MAP3K13: variants seen among roughly 807,000 people sequenced by gnomAD.
MAP3K13 encodes the protein mitogen-activated protein kinase kinase kinase 13, also known as leucine zipper-bearing kinase.
MAP3K13 carries 52 observed loss-of-function variants against 104.0 expected under a neutral mutation model. That is an observed-to-expected ratio of 0.50 (90% CI 0.40 to 0.63). The LOEUF is 0.63. MAP3K13 is among the 20% of genes least tolerant of loss of function. The pLI is 0.00. For missense variants in MAP3K13, 914 were observed against 1,218.5 expected (o/e 0.75, Z 3.72); for synonymous variants, 394 against 442.2 (o/e 0.89, Z 1.37).
chr3:185,455,927 T>A (rs1451608642), intron 7 of MAP3K13, among the ~76,000 whole-genome samples: 2 of 136,982 alleles, frequency 1.5e-5, no homozygotes, highest in Non-Finnish European at 3.1e-5. Context: ...ATATATATGA[T>A]GTATATATGA....
At chr3:185,324,979 A>G (rs1037893827) in intron 2 of MAP3K13, among the ~76,000 whole-genome samples, 2 of 152,258 alleles carry the variant, frequency 1.3e-5, no homozygotes, top group Non-Finnish European at 2.9e-5. Context: ...TAGCTGATCA[A>G]ACATGTGCAC....
intron 7 of MAP3K13, among the ~76,000 whole-genome samples, chr3:185,454,789 GATATATATGAGATATATACATGAT>G (rs1401287224): frequency 1.8e-3 from 98 of 55,944 alleles, no homozygotes; most frequent in East Asian, 5.6e-3. Flanking sequence ...ATATATACAT[GATATATATGAGATATATACATGAT>G]ATATATATGA....
At chr3:185,305,594 A>G (rs1474081486) in intron 2 of MAP3K13, among the ~76,000 whole-genome samples, 1 of 152,080 alleles carries the variant, frequency 6.6e-6, no homozygotes, top group Non-Finnish European at 1.5e-5. Flanking sequence ...AGAGAGCTTT[A>G]CGTGTTTATA....
chr3:185,418,086 A>G lies in MAP3K13; in HGVS notation c.-85-10411A>G. On this transcript the variant is annotated intron_variant, in intron 1 of 13. Coordinates refer to ENST00000265026, the MANE Select transcript of MAP3K13 (RefSeq NM_004721.5). The surrounding 1 kb of genome is among the most constrained non-coding windows in gnomAD (Gnocchi z 4.5). ...GCTTCAAAATGTTCAGCTTGCTTAC[A>G]TTAAGCAGAGTAATTCCAGGGATGT... 3.1e-6 allele frequency: 5 copies of G among 1,611,804 alleles called. No homozygotes were observed. Among genetic ancestry groups the G allele is most frequent in the South Asian group, 1.1e-5 (1 of 90,992 alleles).
At chr3:185,377,188 G>C (rs1724470068) in intron 1 of MAP3K13, among the ~76,000 whole-genome samples, 1 of 152,154 alleles carries the variant, frequency 6.6e-6, no homozygotes, top group Admixed American at 6.5e-5. Context: ...AGGTAAAATG[G>C]GGGAACTGTA....
Position 185,455,666 on chromosome 3 carries a change from A to G in MAP3K13, c.1278+4271A>G, listed in dbSNP as rs62650469. ...TATGAGATATATATATGATATATATATGATATATATATGAGATATATATAT... is the reference window on the plus strand; with the variant it reads ...TATGAGATATATATATGATATATATGTGATATATATATGAGATATATATAT... On this transcript the variant is annotated intron_variant, in intron 7 of 13. Transcript: ENST00000265026. 6.5e-3 allele frequency among the ~76,000 whole-genome samples: 128 copies of G among 19,830 alleles called. 3 individuals are homozygous for G. The highest frequency in any genetic ancestry group is 0.012 in the South Asian group (6 of 516). The allele number at this position is 19,830 out of a possible 152,430, so 13.0% of individuals were successfully genotyped here. A position where few individuals can be genotyped will look rare whatever the true frequency, so the allele number is the denominator to read the frequency against.
intron 12 of MAP3K13, among the ~76,000 whole-genome samples, chr3:185,479,690 A>G (rs558062155): frequency 2.0e-5 from 3 of 152,348 alleles, no homozygotes; most frequent in East Asian, 3.9e-4. Context: ...TTGGGCTGCC[A>G]TAACAAAATA....
intron 2 of MAP3K13, among the ~76,000 whole-genome samples, chr3:185,432,679 C>T (rs530182460): frequency 6.4e-4 from 98 of 152,074 alleles, no homozygotes; most frequent in South Asian, 5.0e-3. Context: ...GAATGAGGGG[C>T]GATTCACCCA....
Position 185,473,790 on chromosome 3 carries a change from G to A in MAP3K13, c.2430+29G>A, listed in dbSNP as rs145178506. On this transcript the variant is annotated intron_variant, in intron 11 of 13. Coordinates refer to ENST00000265026, the MANE Select transcript of MAP3K13 (RefSeq NM_004721.5). The surrounding 1 kb of genome is among the most constrained non-coding windows in gnomAD (Gnocchi z 4.9). The stretch of plus-strand genomic sequence containing the variant: ...AAGTGTAATGATGAGAGTGGCCTGC[G>A]TCACTGCCTTCAAAGAATGCCAGAG... The A allele has an allele frequency of 3.6e-4, 577 of 1,583,252 alleles. 3 individuals carry two copies. The East Asian group carries it at 8.1e-3, about 22-fold the overall frequency.
chr3:185,319,809 A>G (rs1387566066), intron 2 of MAP3K13, among the ~76,000 whole-genome samples: 1 of 152,236 alleles, frequency 6.6e-6, no homozygotes, highest in Non-Finnish European at 1.5e-5. Context: ...ATCAATTCAG[A>G]TTTGCTTTCT....
At chr3:185,432,951 C>T (rs1028846435) in intron 2 of MAP3K13, among the ~76,000 whole-genome samples, 2 of 152,150 alleles carry the variant, frequency 1.3e-5, no homozygotes, top group Non-Finnish European at 2.9e-5. Flanking sequence ...TAGCAAATTT[C>T]CTTGTCAGGT....
Position 185,418,782 on chromosome 3 carries a change from G to C in MAP3K13, c.-85-9715G>C. On this transcript the variant is annotated intron_variant, in intron 1 of 13. Transcript: ENST00000265026. This position sits in a 1 kb window ranked among gnomAD's most constrained non-coding sequence, Gnocchi z 4.5. ...TCATTGGGCGAGCACACGCCATGGC[G>C]GAGAGAGGAGACAGCCACGCTCCTC... The C allele has an allele frequency of 6.3e-7, 1 of 1,596,424 alleles. No individual in the cohort carries two copies. Among genetic ancestry groups the C allele is most frequent in the Admixed American group, 1.7e-5 (1 of 58,974 alleles).
At chr3:185,451,815 C>T (rs1715903449) in intron 7 of MAP3K13, among the ~76,000 whole-genome samples, 1 of 148,030 alleles carries the variant, frequency 6.8e-6, no homozygotes, top group Non-Finnish European at 1.5e-5. Flanking sequence ...AGTGTTCAGC[C>T]GAGATCATGC....
exon 2 of MAP3K13, chr3:185,285,585 TG>T: frequency 6.5e-7 from 1 of 1,530,956 alleles, no homozygotes; most frequent in East Asian, 2.5e-5. Flanking sequence ...GGACCATTAA[TG>T]GACAAAAACA....
chr3:185,482,514 A>AC lies in MAP3K13; in HGVS notation c.*63dup. 7.9e-7 allele frequency: 1 copy of AC among 1,264,234 alleles called. No homozygotes were observed. The highest frequency in any genetic ancestry group is 1.7e-5 in the Admixed American group (1 of 58,458). The allele number at this position is 1,264,234 out of a possible 1,614,324, so 78.3% of individuals were successfully genotyped here. ...TATACTGGCATTTCAGATCCACCCC[A>AC]CCCCCAGACTCATCCCACTCTCTCC... On this transcript the variant is annotated 3_prime_UTR_variant, in exon 14 of 14. Coordinates refer to ENST00000265026, the MANE Select transcript of MAP3K13 (RefSeq NM_004721.5). This position sits in a 1 kb window ranked among gnomAD's most constrained non-coding sequence, Gnocchi z 4.5.
intron 1 of MAP3K13, among the ~76,000 whole-genome samples, chr3:185,382,609 G>C: frequency 6.6e-6 from 1 of 152,114 alleles, no homozygotes; most frequent in East Asian, 1.9e-4. Context: ...GGAGGTGTTT[G>C]GGTCATGGGG....
chr3:185,300,258 C>T (rs1221546476), intron 2 of MAP3K13, among the ~76,000 whole-genome samples: 9 of 148,710 alleles, frequency 6.1e-5, no homozygotes, highest in Non-Finnish European at 1.2e-4. Context: ...GGCACGATCT[C>T]GGCTTATTGC....
chr3:185,393,684 T>A (rs956254776), intron 1 of MAP3K13, among the ~76,000 whole-genome samples: 1 of 152,074 alleles, frequency 6.6e-6, no homozygotes, highest in Admixed American at 6.6e-5. Flanking sequence ...GGTCTTGATC[T>A]CTTGACCTCG....
At chr3:185,352,499 A>C (rs1354289333) in intron 2 of MAP3K13, among the ~76,000 whole-genome samples, 1 of 152,212 alleles carries the variant, frequency 6.6e-6, no homozygotes, top group Non-Finnish European at 1.5e-5. Context: ...TTCTCTTACC[A>C]AAAGGAAAGA....
Sources: allele counts gnomAD v4.1 joint callset (sites outside exome capture counted in the v4.1 genomes callset), GRCh38; gene constraint gnomAD v4.1.1; non-coding constraint Gnocchi (gnomAD v3.1); transcripts MANE v1.5; gene names NCBI Gene and HGNC (gene_info 2026-07-23, HGNC 2026-07-21).